STK39: variants seen among roughly 807,000 people sequenced by gnomAD.
STK39 encodes serine/threonine kinase 39.
Under a neutral mutation model 77.8 loss-of-function variants are expected in STK39, and 20 were observed. That is an observed-to-expected ratio of 0.26 (90% CI 0.18 to 0.37). STK39 has a LOEUF of 0.37. Among genes scored for constraint, STK39 ranks in the 10% least tolerant of loss-of-function variants. STK39 has a pLI of 1.00. For missense variants in STK39, 479 were observed against 656.5 expected (o/e 0.73, Z 2.95); for synonymous variants, 246 against 234.1 (o/e 1.05, Z -0.47).
At chr2:168,231,898 G>A (rs1006874197) in intron 1 of STK39, 25 of 235,042 alleles carry the variant, frequency 1.1e-4, no homozygotes, top group Non-Finnish European at 2.3e-4. Flanking sequence ...TTGATGTGGG[G>A]GGAGGAAGGG....
At chr2:167,986,777 C>A (rs1484277642) in intron 16 of STK39, among the ~76,000 whole-genome samples, 1 of 152,088 alleles carries the variant, frequency 6.6e-6, no homozygotes, top group Non-Finnish European at 1.5e-5. Context: ...GTAAATAAAG[C>A]TGTTGGTTAC....
rs186688699 is a variant in STK39, at chr2:168,147,952, C to A, written c.629-7194G>T. On this transcript the variant is annotated intron_variant, in intron 5 of 17. Coordinates refer to ENST00000355999, the MANE Select transcript of STK39 (RefSeq NM_013233.3). ...AACTGCAATCCAGACTTACTTATTACATCCAGATTAATCTTCCTAAAGTGC... is the reference window on the plus strand; with the variant it reads ...AACTGCAATCCAGACTTACTTATTAAATCCAGATTAATCTTCCTAAAGTGC... 3.3e-4 allele frequency among the ~76,000 whole-genome samples: 51 copies of A among 152,322 alleles called. No homozygotes were observed. The East Asian group carries it at 8.7e-3, about 26-fold the overall frequency.
At chr2:168,094,278 G>GAC (rs1686603844) in intron 10 of STK39, among the ~76,000 whole-genome samples, 1 of 152,254 alleles carries the variant, frequency 6.6e-6, no homozygotes, top group African/African-American at 2.4e-5. Flanking sequence ...CTGTAGCCTC[G>GAC]ACACAGTCCT....
At chr2:168,148,379 C>G (rs1688195823) in intron 5 of STK39, among the ~76,000 whole-genome samples, 1 of 152,174 alleles carries the variant, frequency 6.6e-6, no homozygotes, top group Non-Finnish European at 1.5e-5. Flanking sequence ...TCCCTCCAAC[C>G]TACTAGGAAA....
intron 15 of STK39, among the ~76,000 whole-genome samples, chr2:168,015,477 G>A (rs923723990): frequency 2.0e-5 from 3 of 152,174 alleles, no homozygotes; most frequent in Non-Finnish European, 4.4e-5. Flanking sequence ...GCTGTCATTA[G>A]GCAGACAATG....
chr2:168,140,344 G>A lies in STK39; in HGVS notation c.785C>T (p.Thr262Ile), dbSNP rs1374535691. 1 of 1,613,924 alleles carries A rather than the reference G, an allele frequency of 6.2e-7. No individual in the cohort carries two copies. The highest frequency in any genetic ancestry group is 1.3e-5 in the African/African-American group (1 of 74,936). Residue 262 changes from threonine to isoleucine, a missense_variant, in exon 7 of 18, where the codon ACT (threonine) becomes ATT (isoleucine). Around this residue, in one of 3 missense-constraint regions of STK39, gnomAD observed 139 missense variants for 280.6 expected, o/e 0.50. Transcript: ENST00000355999. ...FKADMWSFGITAIELATGAAP... is the reference protein window; with the variant it reads ...FKADMWSFGIIAIELATGAAP... ...TGCTCCTGTTGCTAATTCAATGGCAGTTATTCCAAAACTCCACATGTCAGC... is the reference window on the plus strand; with the variant it reads ...TGCTCCTGTTGCTAATTCAATGGCAATTATTCCAAAACTCCACATGTCAGC...
At chr2:168,020,623 ATATAT>A (rs1169036148) in intron 14 of STK39, among the ~76,000 whole-genome samples, 1 of 150,638 alleles carries the variant, frequency 6.6e-6, no homozygotes, top group Non-Finnish European at 1.5e-5. Context: ...ACATATATGT[ATATAT>A]TATATATAAT....
At chr2:168,098,148 G>C (rs1483599616) in intron 10 of STK39, among the ~76,000 whole-genome samples, 2 of 152,184 alleles carry the variant, frequency 1.3e-5, no homozygotes, top group South Asian at 2.1e-4. Flanking sequence ...ATAGCGCCTA[G>C]CTAGTGCCTA....
At chr2:168,071,783 A>T (rs150092453) in intron 12 of STK39, among the ~76,000 whole-genome samples, 3,004 of 151,570 alleles carry the variant, frequency 0.02, 105 homozygotes, top group African/African-American at 0.069. Context: ...GGCAGGAGAA[A>T]GGCGTGAACC....
intron 1 of STK39, among the ~76,000 whole-genome samples, chr2:168,195,665 T>C (rs1243417195): frequency 6.6e-6 from 1 of 152,212 alleles, no homozygotes; most frequent in Non-Finnish European, 1.5e-5. Context: ...CCAAAGATAA[T>C]ACTTAAGTCC....
intron 1 of STK39, among the ~76,000 whole-genome samples, chr2:168,225,492 A>G (rs1377466568): frequency 6.6e-6 from 1 of 152,136 alleles, no homozygotes; most frequent in Non-Finnish European, 1.5e-5. Flanking sequence ...AATCCAGCAG[A>G]AAAGGCAAGA....
At chr2:168,018,562 G>GA (rs1553514721) in intron 14 of STK39, among the ~76,000 whole-genome samples, 2 of 145,936 alleles carry the variant, frequency 1.4e-5, no homozygotes, top group South Asian at 2.2e-4. Flanking sequence ...AAGAAAGAAA[G>GA]AAAGAAAGAA....
chr2:167,979,486 A>C (rs1311292147), intron 16 of STK39, among the ~76,000 whole-genome samples: 2 of 152,240 alleles, frequency 1.3e-5, no homozygotes, highest in African/African-American at 4.8e-5. Flanking sequence ...CTGACAATAA[A>C]GGTCTTAAAC....
At chr2:168,092,963 T>G (rs1290273613) in intron 10 of STK39, among the ~76,000 whole-genome samples, 1 of 152,136 alleles carries the variant, frequency 6.6e-6, no homozygotes, top group Non-Finnish European at 1.5e-5. Context: ...CTCCCGTGGT[T>G]GGACACACAT....
intron 1 of STK39, among the ~76,000 whole-genome samples, chr2:168,222,952 G>T (rs1690212144): frequency 6.6e-6 from 1 of 152,174 alleles, no homozygotes; most frequent in East Asian, 1.9e-4. Flanking sequence ...CAACTCCTCA[G>T]TGCTAACTGC....
intron 16 of STK39, among the ~76,000 whole-genome samples, chr2:168,001,985 T>C (rs1426981775): frequency 6.6e-6 from 1 of 152,212 alleles, no homozygotes; most frequent in Non-Finnish European, 1.5e-5. Context: ...CGAGACTGAG[T>C]GTAATCTGCA....
At chr2:168,047,536 G>A (rs747137333) in intron 14 of STK39, among the ~76,000 whole-genome samples, 1 of 152,144 alleles carries the variant, frequency 6.6e-6, no homozygotes, top group Non-Finnish European at 1.5e-5. Flanking sequence ...CCAGACAAAC[G>A]TACAAAGTTT....
At chr2:168,082,818 T>C (rs1186340903) in intron 10 of STK39, among the ~76,000 whole-genome samples, 2 of 152,216 alleles carry the variant, frequency 1.3e-5, no homozygotes, top group African/African-American at 4.8e-5. Context: ...TTTTTCAAAG[T>C]TGAGTTTGCC....
At chr2:168,185,772 C>T (rs1170844583) in intron 1 of STK39, among the ~76,000 whole-genome samples, 3 of 152,256 alleles carry the variant, frequency 2.0e-5, no homozygotes, top group African/African-American at 7.2e-5. Context: ...TTCCTCTTTG[C>T]ATTTAGTGCA....
Sources: gnomAD v4.1 joint callset for allele counts (sites outside exome capture counted in the v4.1 genomes callset) on GRCh38, gnomAD v4.1.1 for gene constraint, gnomAD v4.1.1 regional missense constraint, MANE v1.5 for transcripts, NCBI Gene and HGNC (gene_info 2026-07-23, HGNC 2026-07-21) for gene names.